The following IQANK1 variants were observed in gnomAD, a reference collection of about 807,000 sequenced individuals.
IQANK1 encodes the protein IQ motif and ankyrin repeat containing 1.
A neutral mutation model predicts 22.6 loss-of-function variants in IQANK1; 30 were observed. The observed-to-expected ratio is 1.33, with a 90% CI of 0.99 to 1.80. The LOEUF (loss-of-function observed/expected upper bound fraction) is 1.80, where lower values mean the gene tolerates loss of function less well. Among genes scored for constraint, IQANK1 ranks in the 40% most tolerant of loss-of-function variants. IQANK1 has a pLI of 0.00. For synonymous variants in IQANK1, 122 were observed against 99.6 expected (o/e 1.23, Z -1.34); for missense variants, 275 against 235.2 (o/e 1.17, Z -1.11).
intron 2 of IQANK1, among the ~76,000 whole-genome samples, chr8:143,736,555 C>T (rs918751900): frequency 2.0e-5 from 3 of 152,068 alleles, no homozygotes; most frequent in East Asian, 3.9e-4. Context: ...CAGTGGGAGG[C>T]GCCTAGATGG....
Position 143,772,499 on chromosome 8 carries a change from T to C in IQANK1, c.789+17T>C. ...CCTGAGCGGGTGTGGACCCCAGAGG[T>C]GTGGGCCCCGGGAGGTGTGAGCCCC... On this transcript the variant is annotated intron_variant, in intron 7 of 13. Transcript: ENST00000527139. The C allele has an allele frequency of 2.5e-6, 1 of 397,962 alleles. No individual in the cohort carries two copies. Among genetic ancestry groups the C allele is most frequent in the Non-Finnish European group, 4.4e-6 (1 of 225,960 alleles). The allele number at this position is 397,962 out of a possible 1,614,324, so 24.7% of individuals were successfully genotyped here.
In IQANK1 at chr8:143,735,709, G is replaced by C; in HGVS notation, c.-4-141G>C. ...GGGCGGGCAGGCAGACAGGACACCA[G>C]CTGGGAAGCCTCAGGGGAGCCCATG... On this transcript the variant is annotated intron_variant, in intron 1 of 13. Transcript: ENST00000527139. The surrounding 1 kb of genome is among the most constrained non-coding windows in gnomAD (Gnocchi z 5.2). 1 of 611,734 alleles carries C rather than the reference G, an allele frequency of 1.6e-6. No homozygotes were observed. The highest frequency in any genetic ancestry group is 1.9e-5 in the South Asian group (1 of 52,866). 37.9% of individuals were successfully genotyped at this position (611,734 alleles called of 1,614,324 possible).
chr8:143,751,658 G>GTATATATATATATATATATATATATA (rs1325258601), intron 3 of IQANK1, among the ~76,000 whole-genome samples: 4 of 38,830 alleles, frequency 1.0e-4, no homozygotes, highest in Admixed American at 4.0e-4. Context: ...GTGTGTGTGT[G>GTATATATATATATATATATATATATA]TGTGTGTATA....
intron 7 of IQANK1, among the ~76,000 whole-genome samples, chr8:143,776,805 C>T (rs533563370): frequency 6.6e-5 from 10 of 151,904 alleles, no homozygotes; most frequent in African/African-American, 1.9e-4. Context: ...CATGGGGAAA[C>T]GGCTCAAGGC....
rs1044889408 is a variant in IQANK1, at chr8:143,747,171, G to A, written c.175+7223G>A. 3.5e-4 allele frequency among the ~76,000 whole-genome samples: 54 copies of A among 152,176 alleles called. 1 individual carries two copies. Among genetic ancestry groups the A allele is most frequent in the Non-Finnish European group, 2.1e-4 (14 of 68,026 alleles). Reference sequence around the variant, plus strand: ...TGGGATTACAGGAGTGAGCCACCGCGCCCGGCCTATATTTTTTATTTCTAT... The same window carrying A: ...TGGGATTACAGGAGTGAGCCACCGCACCCGGCCTATATTTTTTATTTCTAT... On this transcript the variant is annotated intron_variant, in intron 3 of 13. Coordinates refer to ENST00000527139, the MANE Select transcript of IQANK1 (RefSeq NM_001381874.1).
At chr8:143,786,838 T>C (rs13280469) in intron 7 of IQANK1, among the ~76,000 whole-genome samples, 115,129 of 152,086 alleles carry the variant, frequency 0.76, 44,328 homozygotes, top group Middle Eastern at 0.86. Flanking sequence ...CTGAGGAGCT[T>C]CCAGACAGGA....
chr8:143,743,239 T>G (rs1175590343), intron 3 of IQANK1: 1 of 357,534 alleles, frequency 2.8e-6, no homozygotes, highest in Non-Finnish European at 5.5e-6. Flanking sequence ...CCGTTTTGTT[T>G]TTTTTTGAGA....
chr8:143,770,769 G>T (rs1291160168), intron 3 of IQANK1, among the ~76,000 whole-genome samples: 1 of 152,264 alleles, frequency 6.6e-6, no homozygotes, highest in Non-Finnish European at 1.5e-5. Flanking sequence ...TCACTGTGGC[G>T]GAAGCGCCAC....
chr8:143,742,247 T>TA (rs1818936583), intron 3 of IQANK1: 1 of 398,900 alleles, frequency 2.5e-6, no homozygotes, highest in Admixed American at 2.7e-5. Context: ...GAGTCAGTGA[T>TA]ACACAGCGCT....
intron 3 of IQANK1, chr8:143,760,453 A>G (rs1361048986): frequency 1.3e-5 from 2 of 151,202 alleles, no homozygotes; most frequent in Non-Finnish European, 2.9e-5. Flanking sequence ...AGGCAGGTGG[A>G]TCACTGGAGT....
intron 3 of IQANK1, chr8:143,742,579 G>A: frequency 2.2e-6 from 1 of 456,118 alleles, no homozygotes; most frequent in Non-Finnish European, 4.4e-6. Context: ...GGGGTGTGAT[G>A]TGGAGCTGGG....
At chr8:143,739,212 C>T (rs909209213) in intron 2 of IQANK1, among the ~76,000 whole-genome samples, 2 of 152,152 alleles carry the variant, frequency 1.3e-5, no homozygotes, top group African/African-American at 2.4e-5. Context: ...CCCCAAATGC[C>T]GGCGTCCTCT....
Position 143,787,430 on chromosome 8 carries a change from TC to T in IQANK1, c.790-1483del, listed in dbSNP as rs1335258610. Among the ~76,000 whole-genome samples, 4 of 152,056 alleles carry T rather than the reference TC, an allele frequency of 2.6e-5. No individual in the cohort carries two copies. In the East Asian group the frequency reaches 7.8e-4, roughly 30 times the overall value. On this transcript the variant is annotated intron_variant, in intron 7 of 13. Coordinates refer to ENST00000527139, the MANE Select transcript of IQANK1 (RefSeq NM_001381874.1). ...CAGGCCCCCTACACTGCCCCTTCTT[TC>T]CATCTCTGCCCCCTGCATCTGTAGA...
rs1188512105 is a variant in IQANK1, at chr8:143,789,303, G to C, written c.993+60G>C. The C allele has an allele frequency of 1.4e-5, 6 of 420,518 alleles. No homozygotes were observed. The Admixed American group carries it at 2.6e-4, about 18-fold the overall frequency. 26.0% of individuals were successfully genotyped at this position (420,518 alleles called of 1,614,324 possible). ...GGAGGGAGAGCCGGGTGGGGAGGAG[G>C]GGGAGCCGAGGGAGGGCCAGGAAGC... is the stretch of plus-strand genomic sequence containing the variant. On this transcript the variant is annotated intron_variant, in intron 9 of 13. Coordinates refer to ENST00000527139, the MANE Select transcript of IQANK1 (RefSeq NM_001381874.1).
At chr8:143,768,374 G>T (rs1226393636) in intron 3 of IQANK1, among the ~76,000 whole-genome samples, 3 of 152,000 alleles carry the variant, frequency 2.0e-5, no homozygotes, top group Non-Finnish European at 2.9e-5. Context: ...TTAGTGGGGG[G>T]GTTTCCGCCA....
At chr8:143,749,401 A>C (rs1164059721) in intron 3 of IQANK1, among the ~76,000 whole-genome samples, 3 of 131,580 alleles carry the variant, frequency 2.3e-5, no homozygotes, top group Non-Finnish European at 3.1e-5. Flanking sequence ...ATAATTATAT[A>C]TCATATCATA....
chr8:143,736,092 C>T (rs1818730366), intron 2 of IQANK1, among the ~76,000 whole-genome samples, 154 bp downstream of exon 2: 3 of 151,666 alleles, frequency 2.0e-5, no homozygotes, highest in Admixed American at 1.3e-4. Flanking sequence ...GTGTGATTGA[C>T]TGAGGGTTCA....
At chr8:143,773,461 GCCTA>G (rs1244052029) in intron 7 of IQANK1, among the ~76,000 whole-genome samples, 10 of 152,030 alleles carry the variant, frequency 6.6e-5, no homozygotes, top group African/African-American at 2.2e-4. Context: ...CACGAACCTC[GCCTA>G]CCTTAGTTTC....
chr8:143,742,691 G>A (rs1554626737), intron 3 of IQANK1: 4 of 455,954 alleles, frequency 8.8e-6, no homozygotes, highest in South Asian at 3.1e-5. Context: ...AGAAACCTGC[G>A]GGAAGCTCCA....
Sources: allele counts gnomAD v4.1 joint callset (sites outside exome capture counted in the v4.1 genomes callset), GRCh38; gene constraint gnomAD v4.1.1; non-coding constraint Gnocchi (gnomAD v3.1); transcripts MANE v1.5; gene names NCBI Gene and HGNC (gene_info 2026-07-23, HGNC 2026-07-21).